Variants in MFSD2A observed in about 807,000 individuals in gnomAD.
MFSD2A encodes sodium-dependent lysophosphatidylcholine symporter 1.
In MFSD2A, 27 loss-of-function variants were observed where a neutral mutation model predicts 64.7. That is an observed-to-expected ratio of 0.42 (90% CI 0.31 to 0.58). The LOEUF is 0.58. MFSD2A is among the 20% of genes least tolerant of loss of function. The probability of loss-of-function intolerance (pLI) is 0.18; values close to 1 mark genes in which losing one functional copy is unlikely to be tolerated. For synonymous variants in MFSD2A, 258 were observed against 273.4 expected (o/e 0.94, Z 0.55); for missense variants, 474 against 679.5 (o/e 0.70, Z 3.36).
chr1:39,957,049 A>G (rs1644945386), intron 1 of MFSD2A, 38 bp from the exon 2 acceptor site: 1 of 1,609,588 alleles, frequency 6.2e-7, no homozygotes, highest in South Asian at 1.1e-5. Flanking sequence ...GATGGAGGCC[A>G]GAACCTTGGG....
At chr1:39,967,012 G>A (rs918057569) in intron 8 of MFSD2A, 74 bp from the exon 9 acceptor site, 36 of 1,610,778 alleles carry the variant, frequency 2.2e-5, no homozygotes, top group African/African-American at 1.9e-4. Context: ...GGGCTTGGGG[G>A]ATGTCTTGGG....
rs762447117 is a variant in MFSD2A at position 39,967,178 on chromosome 1, G to T, written c.1011+9G>T. 6.2e-7 allele frequency: 1 copy of T among 1,613,616 alleles called. No homozygotes were observed. Among genetic ancestry groups the T allele is most frequent in the Admixed American group, 1.7e-5 (1 of 60,030 alleles). Reference sequence around the variant, plus strand: ...TACTCCTGGCCATCATGGTGAGTGGGACCTGAGCAGGGGCGGGCAGCCTGG... The same window carrying T: ...TACTCCTGGCCATCATGGTGAGTGGTACCTGAGCAGGGGCGGGCAGCCTGG... On this transcript the variant is annotated intron_variant, in intron 9 of 13. Transcript: ENST00000372811.
rs1644915611 is a variant in MFSD2A, at chr1:39,955,819, GTTCA to G, written c.93+440_93+443del. The G allele has an allele frequency of 8.8e-6, 3 of 339,936 alleles. No individual in the cohort carries two copies. The highest frequency in any genetic ancestry group is 2.2e-5 in the African/African-American group (1 of 45,692). 21.1% of individuals were successfully genotyped at this position (339,936 alleles called of 1,614,324 possible). The stretch of plus-strand genomic sequence containing the variant: ...CAACTCTGCTGTTAGGGCCGCTCAA[GTTCA>G]TTCATAAGAACAAGAGCTCTGCTCT... On this transcript the variant is annotated intron_variant, in intron 1 of 13. Transcript: ENST00000372811. This position sits in a 1 kb window ranked among gnomAD's most constrained non-coding sequence, Gnocchi z 5.9.
At chr1:39,957,047 C>G in intron 1 of MFSD2A, 40 bp from the exon 2 acceptor site, 2 of 1,611,330 alleles carry the variant, frequency 1.2e-6, no homozygotes, top group Non-Finnish European at 8.5e-7. Flanking sequence ...TGGATGGAGG[C>G]CAGAACCTTG....
chr1:39,969,150 G>A (rs1251572941), intron 13 of MFSD2A, among the ~76,000 whole-genome samples: 1 of 152,194 alleles, frequency 6.6e-6, no homozygotes, highest in Non-Finnish European at 1.5e-5. Flanking sequence ...TGGGGTTTGA[G>A]CCTCAGCATT....
chr1:39,961,311 T>G (rs1373785628), intron 3 of MFSD2A, among the ~76,000 whole-genome samples: 17 of 89,166 alleles, frequency 1.9e-4, no homozygotes, highest in African/African-American at 7.3e-4. Flanking sequence ...CAGGAAGACT[T>G]TTCTTCCCGC....
chr1:39,967,567 G>C, intron 9 of MFSD2A, 61 bp from the exon 10 acceptor site: 1 of 1,493,178 alleles, frequency 6.7e-7, no homozygotes, highest in Non-Finnish European at 9.3e-7. Context: ...GTTCTGGGAA[G>C]GGCAGGAGGG....
chr1:39,958,645 A>G lies in MFSD2A; in HGVS notation c.229-56A>G, dbSNP rs750686551. ...GAGCCTCTGCTTCTGCCTACCAGTG[A>G]GAGTTGAGGCGAGTAGAAGGATGAG... is the stretch of plus-strand genomic sequence containing the variant. On this transcript the variant is annotated intron_variant, in intron 2 of 13. Coordinates refer to ENST00000372811, the MANE Select transcript of MFSD2A (RefSeq NM_032793.5). The surrounding 1 kb of genome is among the most constrained non-coding windows in gnomAD (Gnocchi z 4.7). The G allele has an allele frequency of 3.0e-5, 49 of 1,613,888 alleles. No individual in the cohort carries two copies. Among genetic ancestry groups the G allele is most frequent in the Non-Finnish European group, 4.0e-5 (47 of 1,179,986 alleles).
chr1:39,958,764 C>A lies in MFSD2A; in HGVS notation c.292C>A (p.Pro98Thr), dbSNP rs1472839367. The A allele has an allele frequency of 6.2e-7, 1 of 1,614,026 alleles. No individual in the cohort carries two copies. Among genetic ancestry groups the A allele is most frequent in the Non-Finnish European group, 8.5e-7 (1 of 1,179,974 alleles). The change falls in exon 3 of 14, where the codon CCC (proline) becomes ACC (threonine). Residue 98 changes from proline (P) to threonine (T), a missense_variant. Physicochemically the swap from Pro to Thr is conservative, Grantham distance 38 (BLOSUM62 -1). Transcript: ENST00000372811. This position sits in a 1 kb window ranked among gnomAD's most constrained non-coding sequence, Gnocchi z 4.7. ...VGRAWDAITD[P>T]LVGLCISKSP... ...CCGAGCCTGGGATGCCATCACAGAC[C>A]CCCTGGTGGGCCTCTGCATCAGCAA...
Position 39,962,569 on chromosome 1 carries a change from C to T in MFSD2A, c.354-2642C>T, listed in dbSNP as rs74067880. On this transcript the variant is annotated intron_variant, in intron 3 of 13. Transcript: ENST00000372811. ...CAAATGGCGGATGACACTGGTGCAG[C>T]GGGGGGGCCTGGAGGCCCTGGTGGC... The T allele has an allele frequency of 4.5e-5, 28 of 624,950 alleles. 1 individual carries two copies. Among genetic ancestry groups the T allele is most frequent in the African/African-American group, 1.7e-4 (9 of 54,064 alleles). The allele number at this position is 624,950 out of a possible 1,614,324, so 38.7% of individuals were successfully genotyped here. A position where few individuals can be genotyped will look rare whatever the true frequency, so the allele number is the denominator to read the frequency against.
rs574893141 is a variant in MFSD2A, at chr1:39,964,755, G to C, written c.354-456G>C. On this transcript the variant is annotated intron_variant, in intron 3 of 13. Coordinates refer to ENST00000372811, the MANE Select transcript of MFSD2A (RefSeq NM_032793.5). This position sits in a 1 kb window ranked among gnomAD's most constrained non-coding sequence, Gnocchi z 4.1. The stretch of plus-strand genomic sequence containing the variant: ...ATGTGTGTGTGAATGAGGTGTGTGT[G>C]AATGGGGTGTGTGTGTGTGTGAATG... The C allele has an allele frequency of 5.7e-6, 1 of 174,352 alleles. No individual in the cohort carries two copies. Among genetic ancestry groups the C allele is most frequent in the East Asian group, 1.8e-4 (1 of 5,646 alleles). The allele number at this position is 174,352 out of a possible 1,614,324, so 10.8% of individuals were successfully genotyped here.
At position 39,959,928 on chromosome 1, in the gene MFSD2A, A is replaced by ATC. The variant is rs572213511; in HGVS notation, c.353+1107_353+1108dup. Among the ~76,000 whole-genome samples the ATC allele has an allele frequency of 9.8e-4, 149 of 152,342 alleles. 4 individuals are homozygous for ATC. In the Middle Eastern group the frequency reaches 0.027, roughly 28 times the overall value. On this transcript the variant is annotated intron_variant, in intron 3 of 13. Coordinates refer to ENST00000372811, the MANE Select transcript of MFSD2A (RefSeq NM_032793.5). ...TTAGACTTCAGGCCCAGCCTGCTGC[A>ATC]TCTCTACCTCCATGTGGGACCCTCC...
At position 39,965,175 on chromosome 1, in the gene MFSD2A, G is replaced by GCCTCCAGCCTCCACTCACAC. The variant is rs753918864; in HGVS notation, c.354-30_354-11dup. 2.5e-6 allele frequency: 4 copies of GCCTCCAGCCTCCACTCACAC among 1,612,546 alleles called. No individual in the cohort carries two copies. In the African/African-American group the frequency reaches 5.3e-5, roughly 22 times the overall value. ...GGGCTGGGCCTGGTCCTGGGCTCCA[G>GCCTCCAGCCTCCACTCACAC]CCTCCAGCCTCCACTCACACCCTCC... is the stretch of plus-strand genomic sequence containing the variant. On this transcript the variant is annotated intron_variant, in intron 3 of 13. Coordinates refer to ENST00000372811, the MANE Select transcript of MFSD2A (RefSeq NM_032793.5). The surrounding 1 kb of genome is among the most constrained non-coding windows in gnomAD (Gnocchi z 5.5).
In MFSD2A at chr1:39,968,587, C is replaced by G. The variant is rs1645213275; in HGVS notation, c.1371C>G (p.Thr457=). Residue 457 remains threonine, a synonymous_variant, in exon 13 of 14, where the codon ACC becomes ACG. Transcript: ENST00000372811. The surrounding 1 kb of genome is among the most constrained non-coding windows in gnomAD (Gnocchi z 4.4). ...TLSLDFAGYQ[T]RGCSQPERVK... ...CCCATAGCTTTGCAGGGTACCAGAC[C>G]CGTGGCTGCTCGCAGCCGGAACGTG... 4 of 1,614,172 alleles carry G rather than the reference C, an allele frequency of 2.5e-6. No homozygotes were observed. The highest frequency in any genetic ancestry group is 3.4e-6 in the Non-Finnish European group (4 of 1,180,026).
Position 39,960,257 on chromosome 1 carries a change from C to T in MFSD2A, c.353+1432C>T, listed in dbSNP as rs1257704394. Among the ~76,000 whole-genome samples the T allele has an allele frequency of 6.6e-6, 1 of 152,232 alleles. No homozygotes were observed. The highest frequency in any genetic ancestry group is 2.4e-5 in the African/African-American group (1 of 41,468). On this transcript the variant is annotated intron_variant, in intron 3 of 13. Transcript: ENST00000372811. The surrounding 1 kb of genome is among the most constrained non-coding windows in gnomAD (Gnocchi z 4.8). ...TGGGGGGGCATACCCCTTTCATCTC[C>T]AGCCCATCCAGGCTTAAGTGGGCGC...
At chr1:39,966,530 G>A (rs902521029) in intron 6 of MFSD2A, 71 bp from the exon 7 acceptor site, 3 of 1,261,562 alleles carry the variant, frequency 2.4e-6, no homozygotes, top group Non-Finnish European at 3.4e-6. Context: ...ATTGAGTGGG[G>A]CTGCTGGAAC....
chr1:39,968,714 C>A lies in MFSD2A; in HGVS notation c.1498C>A (p.Arg500=). 6.2e-7 allele frequency: 1 copy of A among 1,613,900 alleles called. No homozygotes were observed. Among genetic ancestry groups the A allele is most frequent in the Non-Finnish European group, 8.5e-7 (1 of 1,179,962 alleles). The stretch of plus-strand genomic sequence containing the variant: ...GTACCCCATTGATGAGGAGAGGCGG[C>A]GGCAGAATAAGAAGGCCCTGCAGGC... ...KMYPIDEERR[R]QNKKALQALR... The change falls in exon 13 of 14, where the codon CGG becomes AGG. Residue 500 remains arginine, a synonymous_variant. Transcript: ENST00000372811. The surrounding 1 kb of genome is among the most constrained non-coding windows in gnomAD (Gnocchi z 4.4).
intron 9 of MFSD2A, 129 bp from the exon 10 acceptor site, chr1:39,967,499 T>G: frequency 1.2e-6 from 1 of 847,782 alleles, no homozygotes; most frequent in Non-Finnish European, 2.0e-6. Flanking sequence ...GTCATCTTCG[T>G]TGCTGCCCAC....
rs1490067073 is a variant in MFSD2A at position 39,964,362 on chromosome 1, A to G, written c.354-849A>G. On this transcript the variant is annotated intron_variant, in intron 3 of 13. Transcript: ENST00000372811. The surrounding 1 kb of genome is among the most constrained non-coding windows in gnomAD (Gnocchi z 4.1). ...AGCTGGAACTTATGAGGAAATGAGG[A>G]AACGAGCTTCAGATAATTTAAATAA... 1 of 152,232 alleles carries G rather than the reference A, an allele frequency of 6.6e-6. No homozygotes were observed. Among genetic ancestry groups the G allele is most frequent in the African/African-American group, 2.4e-5 (1 of 41,454 alleles). 9.4% of individuals were successfully genotyped at this position (152,232 alleles called of 1,614,324 possible).
Sources: gnomAD v4.1 joint callset for allele counts (sites outside exome capture counted in the v4.1 genomes callset) on GRCh38, gnomAD v4.1.1 for gene constraint, Gnocchi (gnomAD v3.1) non-coding constraint, MANE v1.5 for transcripts, NCBI Gene and HGNC (gene_info 2026-07-23, HGNC 2026-07-21) for gene names.